Variants in MGAT5 observed in about 807,000 individuals in gnomAD.
The protein encoded by MGAT5 is alpha-1,6-mannosylglycoprotein 6-beta-N-acetylglucosaminyltransferase.
A neutral mutation model predicts 94.3 loss-of-function variants in MGAT5; 30 were observed. That is an observed-to-expected ratio of 0.32 (90% CI 0.24 to 0.43). The LOEUF (loss-of-function observed/expected upper bound fraction) is 0.43. Among genes scored for constraint, MGAT5 ranks in the 20% least tolerant of loss-of-function variants. The probability of loss-of-function intolerance (pLI) is 1.00; values close to 1 mark genes in which losing one functional copy is unlikely to be tolerated. For missense variants in MGAT5, 691 were observed against 905.5 expected (o/e 0.76, Z 3.04); for synonymous variants, 310 against 322.9 (o/e 0.96, Z 0.43).
In MGAT5 at chr2:134,413,939, A is replaced by T. The variant is rs190914671; in HGVS notation, c.1677+924A>T. ...TTTTCTCTCCCAAATAGTATATAAG[A>T]TGCATTTTCAATGGTTATTTTTTAT... On this transcript the variant is annotated intron_variant, in intron 12 of 15. Transcript: ENST00000281923. Among the ~76,000 whole-genome samples, 140 of 152,350 alleles carry T rather than the reference A, an allele frequency of 9.2e-4. 1 individual carries two copies. The highest frequency in any genetic ancestry group is 3.3e-3 in the African/African-American group (136 of 41,582).
At chr2:134,417,864 A>T (rs1455280184) in intron 12 of MGAT5, among the ~76,000 whole-genome samples, 1 of 152,216 alleles carries the variant, frequency 6.6e-6, no homozygotes, top group Non-Finnish European at 1.5e-5. Flanking sequence ...CATGTCTGCA[A>T]CAATGATTAC....
intron 1 of MGAT5, among the ~76,000 whole-genome samples, chr2:134,243,901 G>GA (rs149992603): frequency 4.7e-4 from 72 of 152,246 alleles, no homozygotes; most frequent in African/African-American, 1.7e-3. Context: ...GAAGCATTTG[G>GA]AAATAATGAG....
intron 2 of MGAT5, among the ~76,000 whole-genome samples, chr2:134,272,996 T>C (rs1470946086): frequency 1.3e-4 from 20 of 151,400 alleles, no homozygotes; most frequent in Non-Finnish European, 2.9e-4. Flanking sequence ...GGCCCGTGTA[T>C]GTGTGTGTGT....
At chr2:134,347,256 G>C (rs1238099756) in intron 8 of MGAT5, among the ~76,000 whole-genome samples, 1 of 152,238 alleles carries the variant, frequency 6.6e-6, no homozygotes, top group African/African-American at 2.4e-5. Flanking sequence ...AGATAAGCTA[G>C]AAAAGCAATT....
At chr2:134,145,555 G>C (rs1032379752) in intron 1 of MGAT5, among the ~76,000 whole-genome samples, 1 of 152,116 alleles carries the variant, frequency 6.6e-6, no homozygotes, top group Non-Finnish European at 1.5e-5. Context: ...CAAAAAAAGA[G>C]AACCTGGGAT....
intron 9 of MGAT5, among the ~76,000 whole-genome samples, chr2:134,356,618 G>T (rs991234066): frequency 6.6e-6 from 1 of 152,096 alleles, no homozygotes; most frequent in African/African-American, 2.4e-5. Context: ...AATGGAGTAG[G>T]GAAAATTTGA....
At chr2:134,193,858 C>G (rs903879143) in intron 1 of MGAT5, among the ~76,000 whole-genome samples, 1 of 152,098 alleles carries the variant, frequency 6.6e-6, no homozygotes, top group Non-Finnish European at 1.5e-5. Flanking sequence ...ATCTTCCTGG[C>G]ACGCCTAACT....
chr2:134,381,037 C>A lies in MGAT5; in HGVS notation c.1380+18629C>A, dbSNP rs112322606. Among the ~76,000 whole-genome samples, 595 of 152,068 alleles carry A rather than the reference C, an allele frequency of 3.9e-3. 5 individuals are homozygous for A. Among genetic ancestry groups the A allele is most frequent in the African/African-American group, 0.013 (558 of 41,436 alleles). On this transcript the variant is annotated intron_variant, in intron 10 of 15. Coordinates refer to ENST00000281923, the MANE Select transcript of MGAT5 (RefSeq NM_002410.5). ...TCTTGCTCTTTTTAAAATCCACCTA[C>A]CTCCCCCCATCCCAAATTCCGATGA...
At chr2:134,353,578 C>G (rs75182830) in intron 9 of MGAT5, among the ~76,000 whole-genome samples, 2 of 152,084 alleles carry the variant, frequency 1.3e-5, no homozygotes, top group Non-Finnish European at 2.9e-5. Context: ...TTTGATCATG[C>G]CTTTCTAGCA....
upstream of MGAT5, among the ~76,000 whole-genome samples, chr2:134,251,175 A>C (rs1398016712): frequency 1.3e-5 from 2 of 151,996 alleles, no homozygotes; most frequent in Non-Finnish European, 2.9e-5. Context: ...AAAATTAAGT[A>C]ATGAGTAATG....
chr2:134,252,558 C>A (rs930198319), upstream of MGAT5, among the ~76,000 whole-genome samples: 8 of 152,258 alleles, frequency 5.3e-5, no homozygotes, highest in African/African-American at 1.9e-4. Context: ...TCCTCAGTTG[C>A]TGATTCAGTG....
intron 4 of MGAT5, among the ~76,000 whole-genome samples, chr2:134,325,441 C>T (rs1331867029): frequency 2.0e-5 from 3 of 152,038 alleles, no homozygotes; most frequent in Admixed American, 6.6e-5. Flanking sequence ...CCTGTGTGCC[C>T]GTGATCCATA....
chr2:134,315,555 A>T (rs1686950827), intron 2 of MGAT5, among the ~76,000 whole-genome samples: 1 of 152,246 alleles, frequency 6.6e-6, no homozygotes, highest in African/African-American at 2.4e-5. Context: ...ATGCTTTTCC[A>T]GAAGTGTCTG....
intron 1 of MGAT5, among the ~76,000 whole-genome samples, chr2:134,125,873 C>A (rs929830018): frequency 1.3e-5 from 2 of 152,140 alleles, no homozygotes; most frequent in African/African-American, 4.8e-5. Context: ...GATAAGAATC[C>A]AGTCTGGGCT....
intron 1 of MGAT5, among the ~76,000 whole-genome samples, chr2:134,216,596 T>C (rs1252289593): frequency 6.6e-6 from 1 of 152,234 alleles, no homozygotes; most frequent in Non-Finnish European, 1.5e-5. Flanking sequence ...ACAGGAAGCA[T>C]ACTAAAGAAA....
In MGAT5 at chr2:134,454,471, T is replaced by G. The variant is rs1409642899; in HGVS notation, c.*5624T>G. ...TCCTGGTTACAGCCATTTTGTGTGA[T>G]TCACTTCGGGGGTTAAGTAATGCAG... On this transcript the variant is annotated 3_prime_UTR_variant, in exon 16 of 16. Coordinates refer to ENST00000281923, the MANE Select transcript of MGAT5 (RefSeq NM_002410.5). 1 of 152,252 alleles carries G rather than the reference T, an allele frequency of 6.6e-6. No individual in the cohort carries two copies. Among genetic ancestry groups the G allele is most frequent in the Non-Finnish European group, 1.5e-5 (1 of 68,044 alleles). 9.4% of individuals were successfully genotyped at this position (152,252 alleles called of 1,614,324 possible). A position where few individuals can be genotyped will look rare whatever the true frequency, so the allele number is the denominator to read the frequency against.
chr2:134,394,351 ATTAATT>A, intron 10 of MGAT5, among the ~76,000 whole-genome samples: 1 of 152,198 alleles, frequency 6.6e-6, no homozygotes, highest in Non-Finnish European at 1.5e-5. Flanking sequence ...ACTTTTTGAA[ATTAATT>A]TTAAGAATGT....
At chr2:134,289,810 C>T (rs1349148130) in intron 2 of MGAT5, among the ~76,000 whole-genome samples, 1 of 152,168 alleles carries the variant, frequency 6.6e-6, no homozygotes, top group Non-Finnish European at 1.5e-5. Context: ...CGTCACAGCT[C>T]GTTGCTGGAG....
intron 2 of MGAT5, among the ~76,000 whole-genome samples, chr2:134,288,211 A>G (rs1353256199): frequency 6.6e-6 from 1 of 152,214 alleles, no homozygotes; most frequent in East Asian, 1.9e-4. Context: ...CAGGCACATG[A>G]TAGACATTGC....
Sources: gnomAD v4.1 joint callset for allele counts (sites outside exome capture counted in the v4.1 genomes callset) on GRCh38, gnomAD v4.1.1 for gene constraint, MANE v1.5 for transcripts, NCBI Gene and HGNC (gene_info 2026-07-23, HGNC 2026-07-21) for gene names.